SUN1: variants seen among roughly 807,000 people sequenced by gnomAD.
SUN1 encodes the protein Sad1 and UNC84 domain containing 1.
Under a neutral mutation model 103.2 loss-of-function variants are expected in SUN1, and 61 were observed. That is an observed-to-expected ratio of 0.59 (90% CI 0.48 to 0.73). The LOEUF (loss-of-function observed/expected upper bound fraction) is 0.73, where lower values mean the gene tolerates loss of function less well. SUN1 is among the 30% of genes least tolerant of loss of function. The probability of loss-of-function intolerance (pLI) is 0.00; values close to 1 mark genes in which losing one functional copy is unlikely to be tolerated. For synonymous variants in SUN1, 490 were observed against 425.7 expected (o/e 1.15, Z -1.86); for missense variants, 1,052 against 1,034.6 (o/e 1.02, Z -0.23).
intron 5 of SUN1, among the ~76,000 whole-genome samples, chr7:847,206 G>A (rs141889565): frequency 1.1e-3 from 168 of 152,222 alleles, no homozygotes; most frequent in African/African-American, 3.6e-3. Context: ...GTGCGCCAGC[G>A]GAGTTGGCGG....
intron 15 of SUN1, among the ~76,000 whole-genome samples, chr7:865,064 A>T (rs1193188753): frequency 6.6e-6 from 1 of 152,168 alleles, no homozygotes; most frequent in Non-Finnish European, 1.5e-5. Flanking sequence ...ATAAGTGAGA[A>T]CATGGGATGT....
chr7:865,886 G>A (rs1836100493), intron 15 of SUN1, 66 bp from the exon 16 acceptor site: 15 of 1,272,638 alleles, frequency 1.2e-5, no homozygotes, highest in African/African-American at 5.9e-5. Context: ...TCCTGAAGTG[G>A]TGCAGTACTA....
In SUN1 at chr7:869,356, T is replaced by C; in HGVS notation, c.1988T>C (p.Ile663Thr). 1 of 1,613,526 alleles carries C rather than the reference T, an allele frequency of 6.2e-7. No individual in the cohort carries two copies. Among genetic ancestry groups the C allele is most frequent in the South Asian group, 1.1e-5 (1 of 91,060 alleles). ...QSPRVVIQPD[I>T]YPGNCWAFKG... ...TGTTTTTCCTTTCCCCAGCCTGACATTTACCCCGGTAACTGCTGGGCATTT... is the reference window on the plus strand; with the variant it reads ...TGTTTTTCCTTTCCCCAGCCTGACACTTACCCCGGTAACTGCTGGGCATTT... Residue 663 changes from isoleucine (I) to threonine (T), a missense_variant, in exon 17 of 19, where the codon ATT (isoleucine) becomes ACT (threonine). This residue lies in a region of SUN1 where 206 missense variants were observed against 260.1 expected (regional missense o/e 0.79). Transcript: ENST00000401592.
intron 15 of SUN1, among the ~76,000 whole-genome samples, chr7:862,322 T>C (rs1832844754): frequency 6.6e-6 from 1 of 152,204 alleles, no homozygotes; most frequent in South Asian, 2.1e-4. Flanking sequence ...GATGTAGGGC[T>C]GGGTAGGGAC....
chr7:835,546 C>G (rs1409377130), intron 1 of SUN1, among the ~76,000 whole-genome samples: 1 of 152,092 alleles, frequency 6.6e-6, no homozygotes, highest in African/African-American at 2.4e-5. Context: ...TGGGTGATTT[C>G]CCTCTTAAAT....
In SUN1 at chr7:832,613, C is replaced by T. The variant is rs1264688381; in HGVS notation, c.77+12C>T. ...ACGTATGCGCTCAGGTGAGTGTGCA[C>T]CTGCACGTGGGGTCCTGGCCTTGCA... On this transcript the variant is annotated intron_variant, in intron 1 of 18. Coordinates refer to ENST00000401592, the MANE Select transcript of SUN1 (RefSeq NM_001130965.3). 20 of 1,606,352 alleles carry T rather than the reference C, an allele frequency of 1.2e-5. No homozygotes were observed. Among genetic ancestry groups the T allele is most frequent in the East Asian group, 2.2e-5 (1 of 44,592 alleles).
upstream of SUN1, chr7:832,169 G>C: frequency 1.1e-6 from 1 of 885,732 alleles, no homozygotes; most frequent in Non-Finnish European, 1.4e-6. Flanking sequence ...GACACAGTGA[G>C]GATTTAAAAA....
rs760426388 is a variant in SUN1, at chr7:873,198, TC to T, written c.2242-14del. 2.0e-4 allele frequency: 319 copies of T among 1,611,608 alleles called. 1 individual carries two copies. Among genetic ancestry groups the T allele is most frequent in the Non-Finnish European group, 6.8e-5 (80 of 1,177,682 alleles). On this transcript the variant is annotated splice_polypyrimidine_tract_variant and intron_variant, in intron 18 of 18. Coordinates refer to ENST00000401592, the MANE Select transcript of SUN1 (RefSeq NM_001130965.3). ...AATATGAAATACATGTGTGTGTTTTTCCCACCTTGATTTCAGAAAAGACCCG... is the reference window on the plus strand; with the variant it reads ...AATATGAAATACATGTGTGTGTTTTTCCACCTTGATTTCAGAAAAGACCCG...
At chr7:841,897 G>T (rs748728198) in intron 2 of SUN1, 49 bp from the exon 3 acceptor site, 2 of 1,581,484 alleles carry the variant, frequency 1.3e-6, no homozygotes, top group Non-Finnish European at 8.6e-7. Flanking sequence ...TAATCATTTT[G>T]TATTTGCTAG....
chr7:861,329 C>G (rs1478574747), intron 14 of SUN1, 51 bp from the exon 15 acceptor site: 3 of 1,595,694 alleles, frequency 1.9e-6, no homozygotes, highest in East Asian at 4.5e-5. Flanking sequence ...AAACCCACGT[C>G]TCTCCTCTCC....
At chr7:839,458 C>T (rs1440582425) in intron 2 of SUN1, among the ~76,000 whole-genome samples, 1 of 152,378 alleles carries the variant, frequency 6.6e-6, no homozygotes, top group Non-Finnish European at 1.5e-5. Flanking sequence ...GATCTCAGCT[C>T]ACTGCCTCCT....
Position 872,498 on chromosome 7 carries a change from G to T in SUN1, c.2177G>T (p.Gly726Val). The change falls in exon 18 of 19, where the codon GGG (glycine) becomes GTG (valine). Residue 726 changes from glycine to valine, a missense_variant. Gly to Val is a moderately radical substitution (Grantham distance 109). Transcript: ENST00000401592. Reference sequence around the variant, plus strand: ...TTAGAAAATGAGTATCAGGAAGAAGGGCAGCTTCTGGGACAGTTCACGTAT... The same window carrying T: ...TTAGAAAATGAGTATCAGGAAGAAGTGCAGCTTCTGGGACAGTTCACGTAT... ...YGLENEYQEEGQLLGQFTYDQ... is the reference protein window; with the variant it reads ...YGLENEYQEEVQLLGQFTYDQ... 1.2e-6 allele frequency: 2 copies of T among 1,605,114 alleles called. No individual in the cohort carries two copies. The highest frequency in any genetic ancestry group is 1.7e-6 in the Non-Finnish European group (2 of 1,175,794).
chr7:871,758 A>G (rs1304846445), intron 17 of SUN1, among the ~76,000 whole-genome samples: 1 of 152,244 alleles, frequency 6.6e-6, no homozygotes, highest in African/African-American at 2.4e-5. Context: ...AACTTCTTCC[A>G]TAGCATTTCT....
At chr7:843,127 T>G (rs1349545820) in intron 3 of SUN1, 79 bp from the exon 4 acceptor site, 30 of 1,583,308 alleles carry the variant, frequency 1.9e-5, no homozygotes, top group Non-Finnish European at 2.5e-5. Context: ...ACCTTTACAT[T>G]TTTTAATGGG....
At chr7:833,496 A>AGAT (rs1479589318) in intron 1 of SUN1, among the ~76,000 whole-genome samples, 5 of 152,018 alleles carry the variant, frequency 3.3e-5, no homozygotes, top group African/African-American at 1.2e-4. Flanking sequence ...TTTTTAATAG[A>AGAT]GATGGGGTTT....
chr7:870,887 C>CTTTTTTTTTTT (rs59711259), intron 17 of SUN1, among the ~76,000 whole-genome samples: 1 of 101,082 alleles, frequency 9.9e-6, no homozygotes, highest in African/African-American at 4.3e-5. Context: ...TATTTTCTTT[C>CTTTTTTTTTTT]TTTTTTTTTT....
In SUN1 at chr7:843,221, G is replaced by A. The variant is rs770652500; in HGVS notation, c.467G>A (p.Gly156Asp). ...TTTTTTTTAGGTCTTGATGATGATG[G>A]TGATCTTAAAGGTAATTATTTTAGT... ...VDHFWGLDDD[G>D]DLKGGNKAAI... The change falls in exon 4 of 19, where the codon GGT becomes GAT. Residue 156 changes from glycine to aspartate, a missense_variant. Physicochemically the swap from Gly to Asp is moderately conservative, Grantham distance 94 (BLOSUM62 -1). Around this residue, in one of 2 missense-constraint regions of SUN1, gnomAD observed 846 missense variants for 774.5 expected, o/e 1.09. Transcript: ENST00000401592. The A allele has an allele frequency of 5.6e-6, 9 of 1,608,300 alleles. No individual in the cohort carries two copies. The African/African-American group carries it at 1.1e-4, about 19-fold the overall frequency.
At chr7:845,242 C>T (rs1371816389) in intron 5 of SUN1, among the ~76,000 whole-genome samples, 4 of 152,294 alleles carry the variant, frequency 2.6e-5, no homozygotes, top group Admixed American at 1.3e-4. Flanking sequence ...ATGGAAAAGG[C>T]GTTGGTGTGG....
chr7:856,484 G>C (rs1297061899), intron 12 of SUN1, 83 bp downstream of exon 12: 2 of 1,540,978 alleles, frequency 1.3e-6, no homozygotes, highest in Non-Finnish European at 1.8e-6. Flanking sequence ...GATGAATGGG[G>C]GACCCGGGGC....
Sources: allele counts gnomAD v4.1 joint callset (sites outside exome capture counted in the v4.1 genomes callset), GRCh38; gene constraint gnomAD v4.1.1; regional missense constraint gnomAD v4.1.1; transcripts MANE v1.5; gene names NCBI Gene and HGNC (gene_info 2026-07-23, HGNC 2026-07-21).